Variants in PTPRD observed in about 807,000 individuals in gnomAD.
PTPRD encodes receptor-type tyrosine-protein phosphatase delta.
A neutral mutation model predicts 214.5 loss-of-function variants in PTPRD; 34 were observed. The ratio of observed to expected loss-of-function variants is 0.16; its 90% CI spans 0.12 to 0.21. The LOEUF (loss-of-function observed/expected upper bound fraction) is 0.21, where lower values mean the gene tolerates loss of function less well. Ranked by LOEUF, PTPRD falls within the 10% of genes least tolerant of loss-of-function variation. The pLI is 1.00. For synonymous variants in PTPRD, 1,128 were observed against 845.7 expected (o/e 1.33, Z -5.79); for missense variants, 2,545 against 2,398.7 (o/e 1.06, Z -1.27).
At chr9:9,172,194 C>G (rs1325728146) in intron 10 of PTPRD, among the ~76,000 whole-genome samples, 2 of 152,100 alleles carry the variant, frequency 1.3e-5, no homozygotes, top group Admixed American at 1.3e-4. Context: ...TTCTTCTGCA[C>G]TCAGCACAGA....
At chr9:9,152,095 T>G (rs1177804653) in intron 10 of PTPRD, among the ~76,000 whole-genome samples, 2 of 152,232 alleles carry the variant, frequency 1.3e-5, no homozygotes, top group African/African-American at 2.4e-5. Flanking sequence ...GTTGGAATCT[T>G]CTGTGTCATT....
chr9:9,124,048 A>G (rs2099820171), intron 10 of PTPRD, among the ~76,000 whole-genome samples: 1 of 152,192 alleles, frequency 6.6e-6, no homozygotes, highest in African/African-American at 2.4e-5. Flanking sequence ...TAAACTGCCT[A>G]GGAAGTTAAT....
chr9:10,486,869 T>A (rs188657161), intron 2 of PTPRD, among the ~76,000 whole-genome samples: 1 of 152,184 alleles, frequency 6.6e-6, no homozygotes, highest in Non-Finnish European at 1.5e-5. Context: ...TGATTTTCTT[T>A]CTAGAAGATC....
rs76194348 is a variant in PTPRD at position 9,296,010 on chromosome 9, T to C, written c.-203+101439A>G. On this transcript the variant is annotated intron_variant, in intron 9 of 45. Transcript: ENST00000381196. ...ATATTACATGATACCTCAGGTTTTT[T>C]GTTTGTTTGTTTTGTTTTTGGTAAT... Among the ~76,000 whole-genome samples the C allele has an allele frequency of 3.9e-3, 599 of 151,944 alleles. 8 individuals carry two copies. Among genetic ancestry groups the C allele is most frequent in the East Asian group, 0.028 (146 of 5,148 alleles).
At chr9:9,646,681 A>T (rs2096191013) in intron 7 of PTPRD, among the ~76,000 whole-genome samples, 1 of 152,094 alleles carries the variant, frequency 6.6e-6, no homozygotes, top group East Asian at 1.9e-4. Flanking sequence ...CACAGGGCGT[A>T]CATTCTAAGA....
chr9:9,048,099 G>A (rs1016703542), intron 10 of PTPRD, among the ~76,000 whole-genome samples: 7 of 152,086 alleles, frequency 4.6e-5, no homozygotes, highest in South Asian at 4.1e-4. Context: ...ACTACAATGT[G>A]ATATCTTCTC....
At chr9:10,388,064 G>T (rs2097959983) in intron 2 of PTPRD, among the ~76,000 whole-genome samples, 1 of 151,546 alleles carries the variant, frequency 6.6e-6, no homozygotes, top group Non-Finnish European at 1.5e-5. Context: ...AATTCATTAA[G>T]CAGAGAATTG....
At chr9:8,696,939 C>T (rs1478775437) in intron 12 of PTPRD, among the ~76,000 whole-genome samples, 4 of 151,800 alleles carry the variant, frequency 2.6e-5, no homozygotes, top group Non-Finnish European at 4.4e-5. Context: ...CTTGAACTTT[C>T]CAATAACGGT....
At chr9:8,803,198 T>C (rs2096606596) in intron 11 of PTPRD, among the ~76,000 whole-genome samples, 1 of 152,242 alleles carries the variant, frequency 6.6e-6, no homozygotes, top group Admixed American at 6.5e-5. Context: ...ATTATTTTTA[T>C]TTATGAATGA....
intron 5 of PTPRD, among the ~76,000 whole-genome samples, chr9:9,814,626 T>C (rs1428017253): frequency 1.3e-5 from 2 of 151,938 alleles, no homozygotes; most frequent in Non-Finnish European, 2.9e-5. Context: ...AGTGGTGAAA[T>C]AAATTGAAGA....
Position 8,813,386 on chromosome 9 carries a change from G to A in PTPRD, c.-103-79440C>T, listed in dbSNP as rs147979957. Among the ~76,000 whole-genome samples the A allele has an allele frequency of 5.3e-5, 8 of 152,226 alleles. No homozygotes were observed. The East Asian group carries it at 1.4e-3, about 26-fold the overall frequency. On this transcript the variant is annotated intron_variant, in intron 11 of 45. Coordinates refer to ENST00000381196, the MANE Select transcript of PTPRD (RefSeq NM_002839.4). ...AAGCTACAAACAGAATGCATCTTAG[G>A]AAATAAGTACAATGCATGCTATTCC...
intron 11 of PTPRD, among the ~76,000 whole-genome samples, chr9:8,763,692 A>G (rs959763938): frequency 1.3e-5 from 2 of 151,572 alleles, no homozygotes; most frequent in Non-Finnish European, 2.9e-5. Flanking sequence ...AAAAAAGGTC[A>G]CAATCTTCTT....
At chr9:9,969,061 A>C (rs2154040193) in intron 4 of PTPRD, among the ~76,000 whole-genome samples, 1 of 152,208 alleles carries the variant, frequency 6.6e-6, no homozygotes, top group East Asian at 1.9e-4. Flanking sequence ...TAAAATTAAA[A>C]CCATTGTGCC....
At chr9:8,630,135 C>T (rs1033002717) in intron 14 of PTPRD, among the ~76,000 whole-genome samples, 1 of 151,878 alleles carries the variant, frequency 6.6e-6, no homozygotes, top group Admixed American at 6.6e-5. Context: ...AGAGCTGGCA[C>T]ATTTTTGGCA....
At chr9:10,070,452 G>C (rs1478813258) in intron 3 of PTPRD, among the ~76,000 whole-genome samples, 3 of 151,826 alleles carry the variant, frequency 2.0e-5, no homozygotes, top group Non-Finnish European at 4.4e-5. Context: ...GTAATATTTA[G>C]CACAATAATT....
intron 10 of PTPRD, among the ~76,000 whole-genome samples, chr9:9,082,651 C>T (rs537453268): frequency 1.3e-5 from 2 of 151,922 alleles, no homozygotes; most frequent in African/African-American, 4.8e-5. Context: ...TTTAGAAAAC[C>T]CCATCGTATC....
At chr9:9,411,453 T>C (rs1220967730) in intron 8 of PTPRD, among the ~76,000 whole-genome samples, 2 of 152,160 alleles carry the variant, frequency 1.3e-5, no homozygotes, top group African/African-American at 4.8e-5. Context: ...TCATCATCAA[T>C]ATCCAGAACT....
chr9:8,584,481 A>G (rs933821373), intron 14 of PTPRD, among the ~76,000 whole-genome samples: 6 of 151,858 alleles, frequency 4.0e-5, no homozygotes, highest in African/African-American at 1.5e-4. Flanking sequence ...ATTCTTCTCT[A>G]TTATGTTTTT....
At chr9:9,215,915 C>G (rs190812666) in intron 9 of PTPRD, among the ~76,000 whole-genome samples, 5 of 152,270 alleles carry the variant, frequency 3.3e-5, no homozygotes, top group Admixed American at 2.6e-4. Flanking sequence ...TGGACAAGTA[C>G]TGTACACTCT....
Sources: allele counts gnomAD v4.1 joint callset (sites outside exome capture counted in the v4.1 genomes callset), GRCh38; gene constraint gnomAD v4.1.1; transcripts MANE v1.5; gene names NCBI Gene and HGNC (gene_info 2026-07-23, HGNC 2026-07-21).